Variants in GOSR2 observed in about 807,000 individuals in gnomAD.
GOSR2 encodes 27 kDa Golgi SNARE protein.
A neutral mutation model predicts 27.9 loss-of-function variants in GOSR2; 20 were observed. That is an observed-to-expected ratio of 0.72 (90% confidence interval 0.50 to 1.04). GOSR2 has a LOEUF of 1.04. GOSR2 is among the 50% of genes least tolerant of loss of function. The pLI, the probability that GOSR2 is intolerant of heterozygous loss-of-function variation, is 0.00. For missense variants in GOSR2, 261 were observed against 270.5 expected, an observed-to-expected ratio of 0.97 and a Z score of 0.25; for synonymous variants, 91 against 98.8, an observed-to-expected ratio of 0.92 and a Z score of 0.47.
chr17:46,973,142 G>A lies in GOSR2; in HGVS notation c.616-2057G>A, dbSNP rs1481811935. On this transcript the variant is annotated intron_variant, in intron 6 of 6. Transcript: ENST00000640723. ...ATGTGTGCAACCCACATGTGTACAC[G>A]TATACCTTGCCCCCAAAACTGGAAT... 10 of 153,266 alleles carry A rather than the reference G, an allele frequency of 6.5e-5. No individual in the cohort carries two copies. The Middle Eastern group carries it at 3.1e-3, about 48-fold the overall frequency. The allele number at this position is 153,266 out of a possible 1,614,324, so 9.5% of individuals were successfully genotyped here.
intron 3 of GOSR2, chr17:46,931,660 A>ACCCCC: frequency 3.4e-6 from 1 of 297,112 alleles, no homozygotes; most frequent in Non-Finnish European, 6.1e-6. Context: ...TGCCACCTCC[A>ACCCCC]CCCCCAGCGC....
downstream of GOSR2, among the ~76,000 whole-genome samples, chr17:46,942,762 C>T (rs11079742): frequency 0.39 from 59,545 of 152,144 alleles, 12,085 homozygotes; most frequent in South Asian, 0.48. Context: ...TGCCTTAGGC[C>T]TGCTGTACTT....
At position 46,947,086 on chromosome 17, in the gene GOSR2, C is replaced by T. The variant is rs527535739; in HGVS notation, c.583+8382C>T. Among the ~76,000 whole-genome samples the T allele has an allele frequency of 5.9e-5, 9 of 152,084 alleles. No homozygotes were observed. In the South Asian group the frequency reaches 1.2e-3, roughly 21 times the overall value. ...GAGTGGATTGTGGAAAGAGTAGGGACGTATTAGGGTGAAGCTGGAGGTGGG... is the reference window on the plus strand; with the variant it reads ...GAGTGGATTGTGGAAAGAGTAGGGATGTATTAGGGTGAAGCTGGAGGTGGG... On this transcript the variant is annotated intron_variant, in intron 6 of 6. Coordinates refer to the GOSR2 transcript ENST00000573224.
downstream of GOSR2, among the ~76,000 whole-genome samples, chr17:46,944,283 C>G (rs2089634221): frequency 6.6e-6 from 1 of 152,254 alleles, no homozygotes; most frequent in Admixed American, 6.5e-5. Context: ...CGGCCGGAGG[C>G]TGTGGTAAGA....
chr17:46,958,275 A>G (rs901481542), intron 6 of GOSR2, among the ~76,000 whole-genome samples: 15 of 152,154 alleles, frequency 9.9e-5, no homozygotes, highest in Non-Finnish European at 7.4e-5. Context: ...CAAATCACAC[A>G]CCAAATAAGG....
chr17:46,946,870 A>T (rs572658342), downstream of GOSR2, among the ~76,000 whole-genome samples: 50 of 152,340 alleles, frequency 3.3e-4, no homozygotes, highest in South Asian at 9.9e-3. Flanking sequence ...TTCAATTTTA[A>T]AAAAACAAAA....
At position 46,930,920 on chromosome 17, in the gene GOSR2, A is replaced by G. The variant is rs112121400; in HGVS notation, c.95-179A>G. 6.7e-3 allele frequency: 4,136 copies of G among 614,010 alleles called. 16 individuals are homozygous for G. Among genetic ancestry groups the G allele is most frequent in the Non-Finnish European group, 0.01 (3,521 of 343,770 alleles). The allele number at this position is 614,010 out of a possible 1,614,324, so 38.0% of individuals were successfully genotyped here. A position where few individuals can be genotyped will look rare whatever the true frequency, so the allele number is the denominator to read the frequency against. On this transcript the variant is annotated intron_variant, in intron 2 of 5. Coordinates refer to ENST00000640051, the MANE Select transcript of GOSR2 (RefSeq NM_004287.5). The stretch of plus-strand genomic sequence containing the variant: ...AGCTATATACATGTACTTTTTTCAA[A>G]ACAACATTTACGGCCTAACTTGAAT...
chr17:46,924,724 C>G (rs1258993235), intron 1 of GOSR2, among the ~76,000 whole-genome samples: 1 of 152,128 alleles, frequency 6.6e-6, no homozygotes, highest in African/African-American at 2.4e-5. Context: ...CTGGGGAGCC[C>G]TATTCTCACA....
intron 6 of GOSR2, among the ~76,000 whole-genome samples, chr17:46,973,319 T>G (rs1851119388): frequency 6.6e-6 from 1 of 151,984 alleles, no homozygotes; most frequent in South Asian, 2.1e-4. Flanking sequence ...TTTTTTCTTT[T>G]TCTTTTCTTT....
chr17:46,930,932 G>T, intron 2 of GOSR2, 167 bp from the exon 3 acceptor site: 4 of 616,204 alleles, frequency 6.5e-6, no homozygotes, highest in African/African-American at 1.9e-5. Context: ...CAACATTTAC[G>T]GCCTAACTTG....
intron 5 of GOSR2, 176 bp downstream of exon 5, chr17:46,935,345 A>G (rs2088134939): frequency 6.8e-7 from 1 of 1,470,494 alleles, no homozygotes. Context: ...TGAGCCTGAA[A>G]GTACCCAGTT....
chr17:46,969,781 C>T (rs2091372138), downstream of GOSR2, among the ~76,000 whole-genome samples: 1 of 152,198 alleles, frequency 6.6e-6, no homozygotes, highest in Non-Finnish European at 1.5e-5. Context: ...CCAGGCCTGG[C>T]CTGAAGATTT....
intron 1 of GOSR2, among the ~76,000 whole-genome samples, chr17:46,926,959 A>G (rs1176544448): frequency 6.6e-6 from 1 of 152,204 alleles, no homozygotes; most frequent in South Asian, 2.1e-4. Flanking sequence ...CACATGCTTT[A>G]TTCTACTAGT....
intron 6 of GOSR2, among the ~76,000 whole-genome samples, chr17:46,953,282 G>A (rs1377743928): frequency 6.6e-6 from 1 of 151,728 alleles, no homozygotes; most frequent in African/African-American, 2.4e-5. Context: ...CCACCTATGA[G>A]TGAGAACATG....
In GOSR2 at chr17:46,963,062, T is replaced by G. The variant is rs557270273; in HGVS notation, c.584-3472T>G. ...AGGGCTTGAATCAAGGAAGTCTTGA[T>G]AAGGGACTTCACACTCTCAACCACT... On this transcript the variant is annotated intron_variant, in intron 6 of 6. Coordinates refer to the GOSR2 transcript ENST00000573224. 3.9e-5 allele frequency among the ~76,000 whole-genome samples: 6 copies of G among 152,348 alleles called. No homozygotes were observed. The East Asian group carries it at 9.6e-4, about 24-fold the overall frequency.
chr17:46,941,054 G>A lies in GOSR2; in HGVS notation c.*2294G>A. 1 of 1,083,462 alleles carries A rather than the reference G, an allele frequency of 9.2e-7. No homozygotes were observed. The highest frequency in any genetic ancestry group is 1.1e-6 in the Non-Finnish European group (1 of 887,568). The allele number at this position is 1,083,462 out of a possible 1,614,324, so 67.1% of individuals were successfully genotyped here. On this transcript the variant is annotated 3_prime_UTR_variant, in exon 6 of 6. Transcript: ENST00000640051. Reference sequence around the variant, plus strand: ...GGTCGAGCTGATGCAAGAAACTCCGGTAGCCAGCCTCTGTGACCTTGTACA... The same window carrying A: ...GGTCGAGCTGATGCAAGAAACTCCGATAGCCAGCCTCTGTGACCTTGTACA...
intron 6 of GOSR2, among the ~76,000 whole-genome samples, chr17:46,974,990 T>TTTC (rs1243912326): frequency 7.7e-5 from 1 of 12,992 alleles, no homozygotes; most frequent in Non-Finnish European, 3.5e-4. Flanking sequence ...CTATTTTCTT[T>TTTC]TTTTTTTTTT....
chr17:46,956,582 G>A (rs1226593120), intron 6 of GOSR2, among the ~76,000 whole-genome samples: 14 of 152,182 alleles, frequency 9.2e-5, no homozygotes, highest in Admixed American at 2.0e-4. Flanking sequence ...GATTACAGGC[G>A]TGAGCCACCG....
chr17:46,929,550 A>C lies in GOSR2; in HGVS notation c.60A>C (p.Gly20=). 1.3e-6 allele frequency: 2 copies of C among 1,568,896 alleles called. No homozygotes were observed. The highest frequency in any genetic ancestry group is 1.8e-6 in the Non-Finnish European group (2 of 1,138,890). ...TCCACGAGATCCAGTCTTGCATGGGACGCCTGGAGACGGCAGACAAGCAGT... is the reference window on the plus strand; with the variant it reads ...TCCACGAGATCCAGTCTTGCATGGGCCGCCTGGAGACGGCAGACAAGCAGT... ...KQVHEIQSCM[G]RLETADKQSV... The change falls in exon 2 of 6, where the codon GGA becomes GGC. Residue 20 remains glycine, a synonymous_variant. Transcript: ENST00000640051.
Sources: gnomAD v4.1 joint callset for allele counts (sites outside exome capture counted in the v4.1 genomes callset) on GRCh38, gnomAD v4.1.1 for gene constraint, MANE v1.5 for transcripts, NCBI Gene and HGNC (gene_info 2026-07-23, HGNC 2026-07-21) for gene names.